Variants in MARCHF1 observed in about 807,000 individuals in gnomAD.
MARCHF1 encodes membrane associated ring-CH-type finger 1.
In MARCHF1, 40 loss-of-function variants were observed where a neutral mutation model predicts 54.2. The observed-to-expected ratio is 0.74, with a 90% CI of 0.57 to 0.96. The LOEUF (loss-of-function observed/expected upper bound fraction) is 0.96. Ranked by LOEUF, MARCHF1 falls within the 40% of genes least tolerant of loss-of-function variation. MARCHF1 has a pLI of 0.00. For synonymous variants in MARCHF1, 236 were observed against 236.3 expected, an observed-to-expected ratio of 1.00 and a Z score of 0.01; for missense variants, 586 against 656.5, an observed-to-expected ratio of 0.89 and a Z score of 1.17.
intron 2 of MARCHF1, among the ~76,000 whole-genome samples, chr4:164,097,653 G>A (rs1471809669): frequency 1.3e-5 from 2 of 152,096 alleles, no homozygotes; most frequent in East Asian, 1.9e-4. Flanking sequence ...AACATTCTGA[G>A]AGGGAATGCA....
chr4:164,071,824 A>C (rs913029482), intron 2 of MARCHF1, among the ~76,000 whole-genome samples: 28 of 152,172 alleles, frequency 1.8e-4, no homozygotes, highest in Admixed American at 1.2e-3. Flanking sequence ...CATATATGTA[A>C]GTATACACTT....
chr4:164,041,295 T>C (rs1157028082), intron 2 of MARCHF1, among the ~76,000 whole-genome samples: 1 of 152,110 alleles, frequency 6.6e-6, no homozygotes, highest in African/African-American at 2.4e-5. Flanking sequence ...CCTACCAATA[T>C]CTATCAGAAA....
intron 4 of MARCHF1, among the ~76,000 whole-genome samples, chr4:163,783,195 G>A (rs1747519135): frequency 6.6e-6 from 1 of 152,168 alleles, no homozygotes; most frequent in South Asian, 2.1e-4. Flanking sequence ...GATAGAAATT[G>A]TTATTCCCCT....
At chr4:164,176,963 T>TA (rs1730686864) in intron 1 of MARCHF1, among the ~76,000 whole-genome samples, 1 of 51,138 alleles carries the variant, frequency 2.0e-5, no homozygotes, top group Non-Finnish European at 3.4e-5. Context: ...TCTCTCTCTC[T>TA]CTCTCTCTCT....
intron 1 of MARCHF1, among the ~76,000 whole-genome samples, chr4:164,267,549 G>C (rs1295688072): frequency 6.6e-6 from 1 of 152,146 alleles, no homozygotes; most frequent in Non-Finnish European, 1.5e-5. Flanking sequence ...CAAACTGAGA[G>C]AAACTGAATC....
At chr4:164,151,004 G>A (rs1225107077) in intron 1 of MARCHF1, among the ~76,000 whole-genome samples, 1 of 152,098 alleles carries the variant, frequency 6.6e-6, no homozygotes, top group African/African-American at 2.4e-5. Context: ...GGCCATTGCT[G>A]GCTTGGAAGA....
At chr4:164,099,475 G>A (rs973934456) in intron 2 of MARCHF1, among the ~76,000 whole-genome samples, 1 of 152,058 alleles carries the variant, frequency 6.6e-6, no homozygotes, top group Admixed American at 6.5e-5. Context: ...ATCAGTTTGA[G>A]ATAAGCTCTA....
At chr4:163,762,615 ATTTC>A (rs1411341786) in intron 4 of MARCHF1, among the ~76,000 whole-genome samples, 1 of 152,068 alleles carries the variant, frequency 6.6e-6, no homozygotes, top group African/African-American at 2.4e-5. Flanking sequence ...CTTTAGCATC[ATTTC>A]TTTGACCGTT....
rs538511507 is a variant in MARCHF1 at position 163,757,882 on chromosome 4, G to A, written c.112-57019C>T. On this transcript the variant is annotated intron_variant, in intron 4 of 9. Coordinates refer to ENST00000514618, the MANE Select transcript of MARCHF1 (RefSeq NM_001394959.1). ...GCCTCACTGTGCTAAGATGTCATTC[G>A]TTCACAGGGAGCTTGAGTCCAGCCT... 2.0e-5 allele frequency among the ~76,000 whole-genome samples: 3 copies of A among 152,242 alleles called. No homozygotes were observed. In the South Asian group the frequency reaches 6.2e-4, roughly 32 times the overall value.
chr4:164,261,318 T>C (rs80230686), intron 1 of MARCHF1, among the ~76,000 whole-genome samples: 4,998 of 152,256 alleles, frequency 0.033, 186 homozygotes, highest in East Asian at 0.16. Context: ...AAGGTAGATA[T>C]GATCATTGTC....
At chr4:164,185,805 C>CA (rs1401755657) in intron 1 of MARCHF1, among the ~76,000 whole-genome samples, 1 of 43,604 alleles carries the variant, frequency 2.3e-5, no homozygotes, top group Non-Finnish European at 7.4e-5. Context: ...CACACACACA[C>CA]ACACAAAAAA....
chr4:164,101,174 C>T (rs1224424422), intron 2 of MARCHF1, among the ~76,000 whole-genome samples: 4 of 152,114 alleles, frequency 2.6e-5, no homozygotes, highest in South Asian at 2.1e-4. Flanking sequence ...AAGGCAGCAG[C>T]GAGGCCGGGG....
At chr4:163,820,914 C>T (rs2111052224) in intron 4 of MARCHF1, among the ~76,000 whole-genome samples, 1 of 152,148 alleles carries the variant, frequency 6.6e-6, no homozygotes. Flanking sequence ...GTGGGCTGAG[C>T]TTTTAAAAAT....
At chr4:164,036,010 G>A (rs908289883) in intron 2 of MARCHF1, among the ~76,000 whole-genome samples, 1 of 149,836 alleles carries the variant, frequency 6.7e-6, no homozygotes, top group African/African-American at 2.5e-5. Flanking sequence ...GGCTGAGGCA[G>A]GATAATTGAT....
intron 1 of MARCHF1, among the ~76,000 whole-genome samples, chr4:164,240,059 T>C (rs893985744): frequency 2.0e-5 from 3 of 152,196 alleles, no homozygotes; most frequent in Non-Finnish European, 4.4e-5. Context: ...AGCATTGACA[T>C]AAACTGGACA....
At chr4:163,783,325 C>T (rs180936025) in intron 4 of MARCHF1, among the ~76,000 whole-genome samples, 74 of 152,306 alleles carry the variant, frequency 4.9e-4, no homozygotes, top group African/African-American at 1.7e-3. Flanking sequence ...CAGAACCTAT[C>T]CTGACTAGCT....
intron 5 of MARCHF1, among the ~76,000 whole-genome samples, chr4:163,654,127 GA>G (rs1743061141): frequency 1.3e-5 from 2 of 151,606 alleles, no homozygotes; most frequent in Non-Finnish European, 3.0e-5. Flanking sequence ...AGGATAGAGA[GA>G]ACCATTGTGT....
intron 7 of MARCHF1, among the ~76,000 whole-genome samples, chr4:163,595,876 C>T (rs568381093): frequency 1.3e-5 from 2 of 152,090 alleles, no homozygotes; most frequent in East Asian, 3.9e-4. Context: ...GTACTCCACA[C>T]TTCAATTTAT....
chr4:163,932,363 T>C (rs1012259976), intron 3 of MARCHF1, among the ~76,000 whole-genome samples: 2 of 152,254 alleles, frequency 1.3e-5, no homozygotes, highest in Non-Finnish European at 1.5e-5. Context: ...CACAGTAGAA[T>C]GTTTTTCAAA....
Sources: allele counts gnomAD v4.1 joint callset (sites outside exome capture counted in the v4.1 genomes callset), GRCh38; gene constraint gnomAD v4.1.1; transcripts MANE v1.5; gene names NCBI Gene and HGNC (gene_info 2026-07-23, HGNC 2026-07-21).